The following DNAH5 variants were observed in gnomAD, a reference collection of about 807,000 sequenced individuals.
DNAH5 encodes the protein axonemal beta dynein heavy chain 5.
Under a neutral mutation model 518.2 loss-of-function variants are expected in DNAH5, and 372 were observed. That is an observed-to-expected ratio of 0.72 (90% CI 0.66 to 0.78). DNAH5 has a LOEUF of 0.78. DNAH5 is among the 30% of genes least tolerant of loss of function. The probability of loss-of-function intolerance (pLI) is 0.00; values close to 1 mark genes in which losing one functional copy is unlikely to be tolerated. For missense variants in DNAH5, 5,523 were observed against 5,687.0 expected (o/e 0.97, Z 0.93); for synonymous variants, 2,039 against 2,025.9 (o/e 1.01, Z -0.17).
chr5:13,810,055 TCAC>T lies in DNAH5; in HGVS notation c.7609+1_7609+3del, dbSNP rs773923485. On this transcript the variant is annotated splice_donor_variant and splice_donor_region_variant and intron_variant, in intron 45 of 78. Coordinates refer to ENST00000265104, the MANE Select transcript of DNAH5 (RefSeq NM_001369.3). LOFTEE classifies it high-confidence loss of function. ...GTTCCGTCTGGACGGGCAGGTGTCC[TCAC>T]CATCGGGCGCCACATAGTAGTCGAA... The T allele has an allele frequency of 1.3e-6, 2 of 1,551,496 alleles. No homozygotes were observed. The highest frequency in any genetic ancestry group is 1.7e-6 in the Non-Finnish European group (2 of 1,147,856).
At chr5:13,838,698 G>A (rs1764743989) in intron 35 of DNAH5, among the ~76,000 whole-genome samples, 2 of 152,116 alleles carry the variant, frequency 1.3e-5, no homozygotes, top group African/African-American at 2.4e-5. Flanking sequence ...GAAATAAAGT[G>A]CACAATAAAT....
At position 13,867,966 on chromosome 5, in the gene DNAH5, A is replaced by G. The variant is rs764026489; in HGVS notation, c.3861T>C (p.Tyr1287=). The change falls in exon 25 of 79, where the codon TAT becomes TAC. Residue 1287 remains tyrosine (Y), a synonymous_variant. Coordinates refer to ENST00000265104, the MANE Select transcript of DNAH5 (RefSeq NM_001369.3). ...TCTCTTCCCTTGCTATCAGAAGTCC[A>G]TATCTGTTAAGCAGGGCATAAGATT... ...IEESYALLNR[Y]GLLIAREEID... is the part of the protein sequence containing the mutation. 62 of 1,613,280 alleles carry G rather than the reference A, an allele frequency of 3.8e-5. No individual in the cohort carries two copies. Among genetic ancestry groups the G allele is most frequent in the South Asian group, 7.7e-5 (7 of 90,992 alleles).
intron 65 of DNAH5, among the ~76,000 whole-genome samples, chr5:13,741,981 C>T (rs1715547579): frequency 6.6e-6 from 1 of 152,088 alleles, no homozygotes; most frequent in African/African-American, 2.4e-5. Context: ...GATAACTGCT[C>T]AAAATGTCTC....
chr5:13,924,233 T>C (rs1331742760), intron 3 of DNAH5, among the ~76,000 whole-genome samples: 2 of 152,192 alleles, frequency 1.3e-5, no homozygotes, highest in South Asian at 2.1e-4. Flanking sequence ...CAGGGTCTTG[T>C]AGAGGTAGGA....
intron 73 of DNAH5, among the ~76,000 whole-genome samples, chr5:13,716,964 T>C (rs1227572094): frequency 6.6e-6 from 1 of 152,206 alleles, no homozygotes; most frequent in African/African-American, 2.4e-5. Flanking sequence ...TTGAGGGTAT[T>C]GAGGCAGTTC....
intron 68 of DNAH5, among the ~76,000 whole-genome samples, chr5:13,731,208 T>G (rs933276540): frequency 1.3e-5 from 2 of 152,214 alleles, no homozygotes; most frequent in Non-Finnish European, 2.9e-5. Context: ...CAGTATGGCC[T>G]TGAAGCCAAT....
At chr5:13,714,988 G>A (rs769268722) in intron 74 of DNAH5, among the ~76,000 whole-genome samples, 3 of 152,104 alleles carry the variant, frequency 2.0e-5, no homozygotes, top group Non-Finnish European at 4.4e-5. Context: ...TATAACTAAT[G>A]GTTATTATGT....
intron 1 of DNAH5, among the ~76,000 whole-genome samples, chr5:14,008,189 A>G (rs1032758464): frequency 2.7e-5 from 4 of 149,298 alleles, no homozygotes; most frequent in African/African-American, 1.0e-4. Flanking sequence ...AAAAAAAAGA[A>G]AGAAAGAAAG....
intron 59 of DNAH5, among the ~76,000 whole-genome samples, chr5:13,763,348 C>T (rs1024568010): frequency 2.0e-5 from 3 of 152,246 alleles, no homozygotes; most frequent in Non-Finnish European, 2.9e-5. Context: ...AGCAACTAAA[C>T]GCTTAATACA....
At chr5:13,866,704 G>T (rs72735029) in intron 25 of DNAH5, among the ~76,000 whole-genome samples, 2 of 152,194 alleles carry the variant, frequency 1.3e-5, no homozygotes, top group South Asian at 4.1e-4. Context: ...TCCAACATTA[G>T]AAAATCTTAA....
rs780414385 is a variant in DNAH5, at chr5:13,769,169, A to G, written c.9721-33T>C. On this transcript the variant is annotated intron_variant, in intron 57 of 78. Coordinates refer to ENST00000265104, the MANE Select transcript of DNAH5 (RefSeq NM_001369.3). ...AATATAAAGCAAGCAATACTTCACC[A>G]AACAGTATTAAACATCCAGCTGAAA... 1.2e-5 allele frequency: 19 copies of G among 1,599,394 alleles called. No individual in the cohort carries two copies. In the African/African-American group the frequency reaches 2.4e-4, roughly 20 times the overall value.
At chr5:13,771,096 C>T (rs775676205) in intron 55 of DNAH5, 116 bp from the exon 56 acceptor site, 5 of 909,166 alleles carry the variant, frequency 5.5e-6, no homozygotes, top group Non-Finnish European at 8.6e-6. Context: ...ATTTTTGTAG[C>T]CCCAGCTAGG....
intron 30 of DNAH5, among the ~76,000 whole-genome samples, chr5:13,853,012 G>A (rs977163654): frequency 1.3e-5 from 2 of 152,230 alleles, no homozygotes; most frequent in Admixed American, 6.5e-5. Flanking sequence ...CACAGGGCTC[G>A]AGCTCTGCTA....
chr5:13,739,604 A>C (rs1748117373), intron 65 of DNAH5, among the ~76,000 whole-genome samples: 2 of 152,334 alleles, frequency 1.3e-5, no homozygotes, highest in South Asian at 4.1e-4. Flanking sequence ...CCAGAAATCT[A>C]GAGTGAGGCA....
chr5:13,838,940 C>T (rs1352980789), intron 35 of DNAH5, among the ~76,000 whole-genome samples: 1 of 151,424 alleles, frequency 6.6e-6, no homozygotes, highest in African/African-American at 2.4e-5. Flanking sequence ...CCAGTGCCCT[C>T]TCCCAACTTT....
Position 13,787,300 on chromosome 5 carries a change from A to T in DNAH5, c.8648-949T>A, listed in dbSNP as rs549848011. ...TTAGTAATAGGGAAAAAAGGGACACATTAGTTGAATATACCAATAACGACT... is the reference window on the plus strand; with the variant it reads ...TTAGTAATAGGGAAAAAAGGGACACTTTAGTTGAATATACCAATAACGACT... On this transcript the variant is annotated intron_variant, in intron 51 of 78. Coordinates refer to ENST00000265104, the MANE Select transcript of DNAH5 (RefSeq NM_001369.3). 3.3e-5 allele frequency among the ~76,000 whole-genome samples: 5 copies of T among 152,332 alleles called. No individual in the cohort carries two copies. In the East Asian group the frequency reaches 9.6e-4, roughly 29 times the overall value.
At chr5:13,974,166 C>T (rs1299791168) in intron 1 of DNAH5, among the ~76,000 whole-genome samples, 5 of 146,894 alleles carry the variant, frequency 3.4e-5, no homozygotes, top group African/African-American at 1.3e-4. Flanking sequence ...GACAGGGCCT[C>T]ACTCTGTCAC....
Position 13,870,507 on chromosome 5 carries a change from G to GAT in DNAH5, c.3834+259_3834+260insAT. 1.3e-5 allele frequency among the ~76,000 whole-genome samples: 2 copies of GAT among 152,200 alleles called. 1 individual carries two copies. The highest frequency in any genetic ancestry group is 2.9e-5 in the Non-Finnish European group (2 of 68,002). ...CCTGATTCCCTCGCCCCTCTTCTTT[G>GAT]GTGAGCACTCACCAATAAATCATTT... On this transcript the variant is annotated intron_variant, in intron 24 of 78. Transcript: ENST00000265104.
chr5:13,924,675 C>CA (rs5866075), intron 3 of DNAH5, among the ~76,000 whole-genome samples: 1,265 of 112,736 alleles, frequency 0.011, 19 homozygotes, highest in African/African-American at 0.034. Context: ...AACTCCGTCT[C>CA]AAAAAAAAAA....
Sources: allele counts gnomAD v4.1 joint callset (sites outside exome capture counted in the v4.1 genomes callset), GRCh38; gene constraint gnomAD v4.1.1; transcripts MANE v1.5; gene names NCBI Gene and HGNC (gene_info 2026-07-23, HGNC 2026-07-21).